The following ZNF813 variants were observed in gnomAD, a reference collection of about 807,000 sequenced individuals.
ZNF813 encodes the protein zinc finger protein 813.
In ZNF813, 3 loss-of-function variants were observed where a neutral mutation model predicts 7.2. That is an observed-to-expected ratio of 0.42 (90% CI 0.19 to 1.08). ZNF813 has a LOEUF of 1.08. Among genes scored for constraint, ZNF813 ranks in the 50% least tolerant of loss-of-function variants. The pLI, the probability that ZNF813 is intolerant of heterozygous loss-of-function variation, is 0.30. For synonymous variants in ZNF813, 227 were observed against 256.3 expected (o/e 0.89, Z 1.09); for missense variants, 714 against 753.3 (o/e 0.95, Z 0.61).
rs1409569539 is a variant in ZNF813 at position 53,492,713 on chromosome 19, G to C, written c.*627G>C. 2 of 747,058 alleles carry C rather than the reference G, an allele frequency of 2.7e-6. No homozygotes were observed. The highest frequency in any genetic ancestry group is 4.4e-6 in the Non-Finnish European group (2 of 457,238). 46.3% of individuals were successfully genotyped at this position (747,058 alleles called of 1,614,324 possible). ...CCCATAAGGAAGAGAGATCATACAA[G>C]TGTAATAATCGGCAAATTTTTCAGA... On this transcript the variant is annotated 3_prime_UTR_variant, in exon 4 of 4. Transcript: ENST00000396403.
At chr19:53,489,462 C>G (rs1366555858) in intron 3 of ZNF813, among the ~76,000 whole-genome samples, 3 of 151,842 alleles carry the variant, frequency 2.0e-5, no homozygotes, top group African/African-American at 4.8e-5. Context: ...ATTAGCCAAG[C>G]ATGCTGGCAT....
intron 1 of ZNF813, among the ~76,000 whole-genome samples, chr19:53,470,980 G>T (rs2086355934): frequency 6.6e-6 from 1 of 152,144 alleles, no homozygotes; most frequent in African/African-American, 2.4e-5. Flanking sequence ...CATGTAAATT[G>T]GGGTGCGGTA....
chr19:53,488,584 ATTT>A (rs35747993), intron 3 of ZNF813, among the ~76,000 whole-genome samples: 1 of 134,760 alleles, frequency 7.4e-6, no homozygotes, highest in Non-Finnish European at 1.6e-5. Flanking sequence ...AATTTTTTGT[ATTT>A]TTTTTTTTTT....
chr19:53,481,442 G>GT (rs2086408388), intron 1 of ZNF813, among the ~76,000 whole-genome samples: 1 of 146,824 alleles, frequency 6.8e-6, no homozygotes, highest in African/African-American at 2.6e-5. Flanking sequence ...TGCCTCCTGG[G>GT]TTCAAGTGAT....
intron 2 of ZNF813, among the ~76,000 whole-genome samples, chr19:53,485,730 A>G (rs116480972): frequency 0.016 from 2,501 of 152,094 alleles, 70 homozygotes; most frequent in African/African-American, 0.056. Flanking sequence ...TTATTTTAAG[A>G]CTGGGTCTCA....
At chr19:53,486,982 T>G (rs2086437451) in intron 3 of ZNF813, among the ~76,000 whole-genome samples, 1 of 20,620 alleles carries the variant, frequency 4.8e-5, no homozygotes, top group Non-Finnish European at 1.8e-4. Context: ...ACTTTTTTAG[T>G]TTTTTTTTTT....
At position 53,491,366 on chromosome 19, in the gene ZNF813, G is replaced by A. The variant is rs369514964; in HGVS notation, c.1134G>A (p.Thr378=). 3.1e-6 allele frequency: 5 copies of A among 1,609,622 alleles called. No homozygotes were observed. The highest frequency in any genetic ancestry group is 2.7e-5 in the African/African-American group (2 of 73,634). Residue 378 remains threonine, a synonymous_variant, in exon 4 of 4, where the codon ACG becomes ACA. Transcript: ENST00000396403. ...TTACATGCCATCATAGACTTCATAC[G>A]GGAGAGAAACCTTATAAGTGTAATG... ...SSLTCHHRLH[T]GEKPYKCNEC...
intron 1 of ZNF813, among the ~76,000 whole-genome samples, chr19:53,470,787 A>G (rs1226271401): frequency 5.3e-5 from 8 of 151,654 alleles, no homozygotes; most frequent in Admixed American, 3.9e-4. Flanking sequence ...CTAGGCAGCA[A>G]TTAGTTAGAT....
At chr19:53,471,939 A>G (rs1313700269) in intron 1 of ZNF813, among the ~76,000 whole-genome samples, 1 of 152,158 alleles carries the variant, frequency 6.6e-6, no homozygotes, top group Non-Finnish European at 1.5e-5. Flanking sequence ...TTCTACAAAC[A>G]TAACATGAGA....
rs954210788 is a variant in ZNF813, at chr19:53,494,114, C to T, written c.*2028C>T. The stretch of plus-strand genomic sequence containing the variant: ...GCTTGACTATGTTGAACCATCCTTG[C>T]ATCCCAGAAATAAGTGGCACTTGAG... On this transcript the variant is annotated 3_prime_UTR_variant, in exon 4 of 4. Transcript: ENST00000396403. 6.6e-6 allele frequency: 1 copy of T among 152,198 alleles called. No homozygotes were observed. Among genetic ancestry groups the T allele is most frequent in the Admixed American group, 6.5e-5 (1 of 15,278 alleles). 9.4% of individuals were successfully genotyped at this position (152,198 alleles called of 1,614,324 possible). A position where few individuals can be genotyped will look rare whatever the true frequency, so the allele number is the denominator to read the frequency against.
chr19:53,491,017 G>T lies in ZNF813; in HGVS notation c.785G>T (p.Arg262Leu), dbSNP rs766270427. ...FNRKRNLVCH[R>L]RCHTGEKPYR... ...CGGAAGCGAAACCTAGTGTGCCATC[G>T]TAGATGTCACACTGGGGAGAAACCT... Residue 262 changes from arginine to leucine, a missense_variant, in exon 4 of 4, where the codon CGT becomes CTT. This residue lies in a region of ZNF813 where 563 missense variants were observed against 554.2 expected (regional missense o/e 1.02). Transcript: ENST00000396403. 1.9e-6 allele frequency: 3 copies of T among 1,614,160 alleles called. No individual in the cohort carries two copies. The South Asian group carries it at 3.3e-5, about 18-fold the overall frequency.
At chr19:53,479,660 G>T (rs1473758801) in intron 1 of ZNF813, 17 of 1,191,638 alleles carry the variant, frequency 1.4e-5, no homozygotes, top group Non-Finnish European at 2.0e-5. Flanking sequence ...GAAGAAGATG[G>T]AACTCCAGGA....
chr19:53,477,912 A>G (rs1156753972), intron 1 of ZNF813, among the ~76,000 whole-genome samples: 2 of 152,184 alleles, frequency 1.3e-5, no homozygotes, highest in Admixed American at 6.5e-5. Context: ...TTCTGTGTAT[A>G]TAATCTAATA....
rs1439763165 is a variant in ZNF813, at chr19:53,490,838, C to T, written c.606C>T (p.Leu202=). ...ATAATTTCCGGAATTCTTCGTTACT[C>T]ACACAAAAACAGGAGGTACACATGA... The part of the protein sequence containing the change: ...YGNNFRNSSL[L]TQKQEVHMRE... Residue 202 remains leucine (L), a synonymous_variant, in exon 4 of 4, where the codon CTC becomes CTT. Coordinates refer to ENST00000396403, the MANE Select transcript of ZNF813 (RefSeq NM_001004301.4). 4 of 1,614,038 alleles carry T rather than the reference C, an allele frequency of 2.5e-6. No individual in the cohort carries two copies. In the African/African-American group the frequency reaches 4.0e-5, roughly 16 times the overall value.
intron 1 of ZNF813, among the ~76,000 whole-genome samples, chr19:53,473,413 G>C (rs140084633): frequency 3.3e-5 from 5 of 152,324 alleles, no homozygotes; most frequent in Non-Finnish European, 7.4e-5. Flanking sequence ...AGAGTGACCA[G>C]AGCAGGGCTG....
At position 53,490,395 on chromosome 19, in the gene ZNF813, A is replaced by T; in HGVS notation, c.163A>T (p.Met55Leu). 6.2e-7 allele frequency: 1 copy of T among 1,614,128 alleles called. No homozygotes were observed. Among genetic ancestry groups the T allele is most frequent in the Non-Finnish European group, 8.5e-7 (1 of 1,179,988 alleles). ...TGTAGATATCTCTTCCAAATGCATG[A>T]TGAAGGAGTTCTCATCAACAGCACA... ...VSLDISSKCM[M>L]KEFSSTAQGN... is the part of the protein sequence containing the mutation. The change falls in exon 4 of 4, where the codon ATG becomes TTG. Residue 55 changes from methionine (M) to leucine (L), a missense_variant. Physicochemically the swap from Met to Leu is conservative, Grantham distance 15. This residue lies in a region of ZNF813 where 563 missense variants were observed against 554.2 expected (regional missense o/e 1.02). Coordinates refer to ENST00000396403, the MANE Select transcript of ZNF813 (RefSeq NM_001004301.4).
intron 3 of ZNF813, 84 bp from the exon 4 acceptor site, chr19:53,490,291 T>C: frequency 7.3e-7 from 1 of 1,373,634 alleles, no homozygotes; most frequent in Non-Finnish European, 9.5e-7. Flanking sequence ...TTAAAATGAG[T>C]ATTTTTTGTG....
In ZNF813 at chr19:53,485,956, T is replaced by A. The variant is rs2086431837; in HGVS notation, c.16-676T>A. Reference sequence around the variant, plus strand: ...CTCTGTTGCCCAGGCCGGAGTGCAATGGTGCGATTTTGGATCATTGCAACC... The same window carrying A: ...CTCTGTTGCCCAGGCCGGAGTGCAAAGGTGCGATTTTGGATCATTGCAACC... On this transcript the variant is annotated intron_variant, in intron 2 of 3. Transcript: ENST00000396403. 1.3e-5 allele frequency among the ~76,000 whole-genome samples: 2 copies of A among 152,158 alleles called. 1 individual carries two copies. Among genetic ancestry groups the A allele is most frequent in the South Asian group, 4.1e-4 (2 of 4,824 alleles).
chr19:53,482,720 T>TTTG (rs1568830726), intron 1 of ZNF813, among the ~76,000 whole-genome samples: 5 of 131,770 alleles, frequency 3.8e-5, no homozygotes, highest in African/African-American at 5.9e-5. Flanking sequence ...TTGTTTTTTT[T>TTTG]TTTTTTTTTT....
Sources: gnomAD v4.1 joint callset for allele counts (sites outside exome capture counted in the v4.1 genomes callset) on GRCh38, gnomAD v4.1.1 for gene constraint, gnomAD v4.1.1 regional missense constraint, MANE v1.5 for transcripts, NCBI Gene and HGNC (gene_info 2026-07-23, HGNC 2026-07-21) for gene names.